Variants in DENND2B observed in about 807,000 individuals in gnomAD.
DENND2B encodes DENN domain containing 2B.
In DENND2B, 32 loss-of-function variants were observed where a neutral mutation model predicts 116.0. The ratio of observed to expected loss-of-function variants is 0.28; its 90% CI spans 0.21 to 0.37. The LOEUF (loss-of-function observed/expected upper bound fraction) is 0.37. DENND2B is among the 10% of genes least tolerant of loss of function. The probability of loss-of-function intolerance (pLI) is 1.00; values close to 1 mark genes in which losing one functional copy is unlikely to be tolerated. For missense variants in DENND2B, 1,276 were observed against 1,477.7 expected (o/e 0.86, Z 2.24); for synonymous variants, 588 against 583.9 (o/e 1.01, Z -0.10).
chr11:8,811,229 ACTGGC>A, upstream of DENND2B: 1 of 398,592 alleles, frequency 2.5e-6, no homozygotes, highest in Non-Finnish European at 4.4e-6. Flanking sequence ...GCTCGCCTGG[ACTGGC>A]CTCTCTGCTT....
chr11:8,836,628 G>C (rs145741666), intron 4 of DENND2B, among the ~76,000 whole-genome samples: 3,406 of 151,710 alleles, frequency 0.022, 133 homozygotes, highest in African/African-American at 0.077. Flanking sequence ...CACCATGTTG[G>C]CCAGCCTGGT....
rs200752970 is a variant in DENND2B, at chr11:8,730,993, G to A, written c.297C>T (p.Phe99=). 36 of 1,614,218 alleles carry A rather than the reference G, an allele frequency of 2.2e-5. No homozygotes were observed. Among genetic ancestry groups the A allele is most frequent in the Middle Eastern group, 3.3e-4 (2 of 6,062 alleles). The stretch of plus-strand genomic sequence containing the variant: ...CCGAAGGGCTTCTGTCCAAATAACC[G>A]AAGCTGGCGGTCTTGAAGGGACAGG... ...PPTCPFKTAS[F]GYLDRSPSAC... Residue 99 remains phenylalanine, a synonymous_variant, in exon 3 of 20, where the codon TTC becomes TTT. Transcript: ENST00000313726. This position sits in a 1 kb window ranked among gnomAD's most constrained non-coding sequence, Gnocchi z 4.1.
intron 2 of DENND2B, among the ~76,000 whole-genome samples, chr11:8,742,498 T>C (rs1399743310): frequency 1.3e-5 from 2 of 152,166 alleles, no homozygotes; most frequent in East Asian, 1.9e-4. Flanking sequence ...GGAACCCTTA[T>C]AGTGTTGAAA....
intron 2 of DENND2B, among the ~76,000 whole-genome samples, chr11:8,858,056 T>A (rs1199392193): frequency 6.6e-6 from 1 of 152,200 alleles, no homozygotes; most frequent in Non-Finnish European, 1.5e-5. Flanking sequence ...CTGAGCATTT[T>A]CTTGGCCATG....
At chr11:8,711,019 C>T in intron 10 of DENND2B, 103 bp downstream of exon 10, 1 of 1,563,946 alleles carries the variant, frequency 6.4e-7, no homozygotes, top group Non-Finnish European at 8.8e-7. Flanking sequence ...GGCCAGGTTG[C>T]TGTAGGAGAG....
Position 8,796,170 on chromosome 11 carries a change from A to C in DENND2B, c.-26+14347T>G, listed in dbSNP as rs192736733. Among the ~76,000 whole-genome samples the C allele has an allele frequency of 1.3e-4, 20 of 152,340 alleles. No homozygotes were observed. The East Asian group carries it at 2.9e-3, about 22-fold the overall frequency. ...GAACACCAAGGAATGAGAGTTTATA[A>C]ACACTGCATACATTTTCATTTCAGA... On this transcript the variant is annotated intron_variant, in intron 1 of 19. Transcript: ENST00000313726.
rs147807666 is a variant in DENND2B, at chr11:8,717,844, C to T, written c.1526G>A (p.Arg509Gln). The change falls in exon 5 of 20, where the codon CGA becomes CAA. Residue 509 changes from arginine to glutamine, a missense_variant. By Grantham distance (43) the Arg-to-Gln change is conservative. Around this residue, in one of 2 missense-constraint regions of DENND2B, gnomAD observed 856 missense variants for 846.6 expected, o/e 1.01. Coordinates refer to ENST00000313726, the MANE Select transcript of DENND2B (RefSeq NM_213618.2). Reference protein sequence around the residue: ...NPYEDVDLKSRRAGRKSQQLS... With the variant: ...NPYEDVDLKSQRAGRKSQQLS... ...TTGCTGGGATTTTCGTCCTGCTCTTCGGCTCTTTAAGTCCACATCCTCATA... is the reference window on the plus strand; with the variant it reads ...TTGCTGGGATTTTCGTCCTGCTCTTTGGCTCTTTAAGTCCACATCCTCATA... The T allele has an allele frequency of 9.2e-5, 148 of 1,613,382 alleles. No homozygotes were observed. The highest frequency in any genetic ancestry group is 3.3e-4 in the Middle Eastern group (2 of 6,062).
chr11:8,754,588 A>T (rs1013222018), intron 1 of DENND2B, among the ~76,000 whole-genome samples: 1 of 152,260 alleles, frequency 6.6e-6, no homozygotes, highest in African/African-American at 2.4e-5. Context: ...TTCAGAAGAA[A>T]TGAAAATATA....
At chr11:8,748,426 A>C (rs1031931861) in intron 2 of DENND2B, among the ~76,000 whole-genome samples, 1 of 152,238 alleles carries the variant, frequency 6.6e-6, no homozygotes, top group African/African-American at 2.4e-5. Context: ...ATGCCTTCCT[A>C]AATGAACTGG....
intron 1 of DENND2B, among the ~76,000 whole-genome samples, chr11:8,790,668 C>T (rs996206181): frequency 2.6e-5 from 4 of 152,136 alleles, no homozygotes; most frequent in African/African-American, 9.7e-5. Flanking sequence ...TCTCCAGAGG[C>T]TGCAGTGGGA....
At position 8,748,027 on chromosome 11, in the gene DENND2B, GACCAGACCTCCCTCTTCC is replaced by G. The variant is rs1235603714; in HGVS notation, c.80+2576_80+2593del. ...CTGCCCACCCCCGCCAGTTTTCCTT[GACCAGACCTCCCTCTTCC>G]ACCAAAGCTGGATACAAATGCGTCT... On this transcript the variant is annotated intron_variant, in intron 2 of 19. Transcript: ENST00000313726. Among the ~76,000 whole-genome samples, 20 of 151,936 alleles carry G rather than the reference GACCAGACCTCCCTCTTCC, an allele frequency of 1.3e-4. No homozygotes were observed. In the East Asian group the frequency reaches 3.7e-3, roughly 28 times the overall value.
At chr11:8,819,959 T>C (rs1158800906) in intron 4 of DENND2B, among the ~76,000 whole-genome samples, 2 of 152,232 alleles carry the variant, frequency 1.3e-5, no homozygotes, top group Non-Finnish European at 2.9e-5. Flanking sequence ...ATTGCAACTT[T>C]TCTCTAAGTC....
intron 1 of DENND2B, among the ~76,000 whole-genome samples, chr11:8,789,369 G>A (rs1279931722): frequency 6.6e-6 from 1 of 152,164 alleles, no homozygotes; most frequent in African/African-American, 2.4e-5. Flanking sequence ...CAACTTACGT[G>A]CAAGATTAAT....
At chr11:8,789,969 G>A (rs917609422) in intron 1 of DENND2B, among the ~76,000 whole-genome samples, 18 of 152,214 alleles carry the variant, frequency 1.2e-4, no homozygotes, top group Non-Finnish European at 1.2e-4. Context: ...TGGTAGGCAG[G>A]ACACTGGTAA....
chr11:8,824,755 C>G (rs1369655663), intron 4 of DENND2B, among the ~76,000 whole-genome samples: 1 of 151,100 alleles, frequency 6.6e-6, no homozygotes, highest in East Asian at 1.9e-4. Flanking sequence ...GTGGCACAAT[C>G]TCGGCTTGCT....
rs10646471 is a variant in DENND2B, at chr11:8,849,822, C to CAAA, written c.-156+7518_-156+7520dup. 3.5e-4 allele frequency among the ~76,000 whole-genome samples: 49 copies of CAAA among 140,714 alleles called. 1 individual carries two copies. Among genetic ancestry groups the CAAA allele is most frequent in the Admixed American group, 3.5e-3 (49 of 14,170 alleles). The allele number at this position is 140,714 out of a possible 152,430, so 92.3% of individuals were successfully genotyped here. ...TGGGTGACAGAGGGAGTCTCCATCT[C>CAAA]AAAAAAAAAAAGAAAAGAAAAGACC... On this transcript the variant is annotated intron_variant, in intron 3 of 6. Transcript: ENST00000524757.
chr11:8,697,379 G>A (rs1466234253), intron 17 of DENND2B, 146 bp downstream of exon 17: 5 of 621,940 alleles, frequency 8.0e-6, no homozygotes, highest in South Asian at 8.0e-5. Context: ...ACTACCTGGG[G>A]TAGAAAAGAC....
intron 11 of DENND2B, among the ~76,000 whole-genome samples, chr11:8,709,649 C>T (rs542740058): frequency 7.2e-5 from 11 of 152,310 alleles, no homozygotes; most frequent in African/African-American, 1.9e-4. Flanking sequence ...GGGGGTGATC[C>T]AAGAGTACAA....
At chr11:8,894,317 C>A (rs1372069799) in intron 1 of DENND2B, among the ~76,000 whole-genome samples, 1 of 152,274 alleles carries the variant, frequency 6.6e-6, no homozygotes, top group East Asian at 1.9e-4. Flanking sequence ...TTAGGCAATA[C>A]CATTCAGGAC....
Sources: gnomAD v4.1 joint callset for allele counts (sites outside exome capture counted in the v4.1 genomes callset) on GRCh38, gnomAD v4.1.1 for gene constraint, gnomAD v4.1.1 regional missense constraint, Gnocchi (gnomAD v3.1) non-coding constraint, MANE v1.5 for transcripts, NCBI Gene and HGNC (gene_info 2026-07-23, HGNC 2026-07-21) for gene names.